The following WDR70 variants were observed in gnomAD, a reference collection of about 807,000 sequenced individuals.
The protein encoded by WDR70 is WD repeat-containing protein 70.
In WDR70, 53 loss-of-function variants were observed where a neutral mutation model predicts 88.6. That is an observed-to-expected ratio of 0.60 (90% CI 0.48 to 0.75). The LOEUF (loss-of-function observed/expected upper bound fraction) is 0.75, where lower values mean the gene tolerates loss of function less well. WDR70 is among the 30% of genes least tolerant of loss of function. The probability of loss-of-function intolerance (pLI) is 0.00; values close to 1 mark genes in which losing one functional copy is unlikely to be tolerated. For missense variants in WDR70, 610 were observed against 823.2 expected, an observed-to-expected ratio of 0.74 and a Z score of 3.17; for synonymous variants, 280 against 270.0, an observed-to-expected ratio of 1.04 and a Z score of -0.36.
intron 8 of WDR70, among the ~76,000 whole-genome samples, chr5:37,500,255 A>G (rs1238301630): frequency 6.6e-6 from 1 of 152,210 alleles, no homozygotes; most frequent in Non-Finnish European, 1.5e-5. Flanking sequence ...AAGTTGATGC[A>G]AAAGACATTA....
intron 3 of WDR70, among the ~76,000 whole-genome samples, chr5:37,389,178 C>T (rs371397194): frequency 1.2e-4 from 18 of 150,388 alleles, no homozygotes; most frequent in Admixed American, 1.0e-3. Context: ...CTGCAACCTC[C>T]GCCTTCCGGG....
chr5:37,452,245 G>A (rs1236516189), intron 7 of WDR70, among the ~76,000 whole-genome samples: 3 of 150,900 alleles, frequency 2.0e-5, no homozygotes, highest in Non-Finnish European at 4.4e-5. Context: ...GCCATTAGAA[G>A]CCTTTCTTTA....
chr5:37,679,875 G>C (rs1182561036), intron 10 of WDR70, among the ~76,000 whole-genome samples: 1 of 152,262 alleles, frequency 6.6e-6, no homozygotes, highest in Non-Finnish European at 1.5e-5. Flanking sequence ...CTTGAGCTGT[G>C]GTGGGCTCCA....
In WDR70 at chr5:37,751,992, T is replaced by A. The variant is rs187571725; in HGVS notation, c.1878-494T>A. Among the ~76,000 whole-genome samples, 10 of 152,314 alleles carry A rather than the reference T, an allele frequency of 6.6e-5. No individual in the cohort carries two copies. In the East Asian group the frequency reaches 1.9e-3, roughly 29 times the overall value. On this transcript the variant is annotated intron_variant, in intron 17 of 17. Transcript: ENST00000265107. ...TGGTTTTTATTTTTGCAGGCTCAAATTCATTAGATAAGAAAACAAACTCAT... is the reference window on the plus strand; with the variant it reads ...TGGTTTTTATTTTTGCAGGCTCAAAATCATTAGATAAGAAAACAAACTCAT...
intron 9 of WDR70, among the ~76,000 whole-genome samples, chr5:37,528,428 A>G (rs985375698): frequency 1.3e-5 from 2 of 152,128 alleles, no homozygotes; most frequent in Non-Finnish European, 1.5e-5. Context: ...CAACTGAACA[A>G]TGAGAACCCT....
intron 8 of WDR70, among the ~76,000 whole-genome samples, chr5:37,485,672 AT>A (rs1256543483): frequency 6.6e-6 from 1 of 151,800 alleles, no homozygotes; most frequent in Non-Finnish European, 1.5e-5. Context: ...TATATTATTT[AT>A]TTATTCATTC....
chr5:37,644,455 G>A (rs1208134032), intron 10 of WDR70, among the ~76,000 whole-genome samples: 3 of 151,890 alleles, frequency 2.0e-5, no homozygotes, highest in Non-Finnish European at 2.9e-5. Context: ...CTTTTCATGT[G>A]TCTTTGTTTA....
At chr5:37,740,299 G>A (rs1561099966) in intron 17 of WDR70, among the ~76,000 whole-genome samples, 2 of 152,272 alleles carry the variant, frequency 1.3e-5, no homozygotes, top group South Asian at 2.1e-4. Context: ...TTTCTCATAT[G>A]TGGATTTCTA....
chr5:37,644,873 AT>A (rs1367386858), intron 10 of WDR70, among the ~76,000 whole-genome samples: 2 of 150,450 alleles, frequency 1.3e-5, no homozygotes, highest in Non-Finnish European at 3.0e-5. Flanking sequence ...TTTTTTGTTA[AT>A]TTTTTTGTTA....
intron 7 of WDR70, among the ~76,000 whole-genome samples, chr5:37,463,957 G>A (rs1301041427): frequency 6.6e-6 from 1 of 152,196 alleles, no homozygotes; most frequent in Non-Finnish European, 1.5e-5. Flanking sequence ...TGTTAAAAGT[G>A]TTCCTATATA....
intron 10 of WDR70, among the ~76,000 whole-genome samples, chr5:37,633,155 C>T (rs2112527856): frequency 6.6e-6 from 1 of 152,272 alleles, no homozygotes; most frequent in South Asian, 2.1e-4. Flanking sequence ...ATCTAACGAA[C>T]ACATTTCTCA....
chr5:37,752,606 G>A lies in WDR70; in HGVS notation c.*33G>A. 6.7e-7 allele frequency: 1 copy of A among 1,502,836 alleles called. No homozygotes were observed. The highest frequency in any genetic ancestry group is 9.2e-7 in the Non-Finnish European group (1 of 1,085,942). The allele number at this position is 1,502,836 out of a possible 1,614,324, so 93.1% of individuals were successfully genotyped here. On this transcript the variant is annotated 3_prime_UTR_variant, in exon 18 of 18. Transcript: ENST00000265107. ...CATTTGAGAGCTGTTTGCATGAGTG[G>A]GAGGGGTATGGGACAGGTTTGGGTT...
intron 5 of WDR70, among the ~76,000 whole-genome samples, chr5:37,423,922 G>C (rs1750033419): frequency 6.7e-6 from 1 of 148,204 alleles, no homozygotes; most frequent in South Asian, 2.1e-4. Context: ...GCCGAGGCGG[G>C]CAGATCACCT....
At chr5:37,444,261 G>T (rs189176859) in intron 7 of WDR70, among the ~76,000 whole-genome samples, 41 of 150,698 alleles carry the variant, frequency 2.7e-4, no homozygotes, top group Admixed American at 2.7e-3. Context: ...AATCTATTTT[G>T]TACTGTTTAG....
chr5:37,712,576 A>G (rs11742830), intron 13 of WDR70, among the ~76,000 whole-genome samples: 3,827 of 152,252 alleles, frequency 0.025, 88 homozygotes, highest in Admixed American at 0.061. Context: ...TTTGAATTTG[A>G]CACTTTATTT....
At chr5:37,531,347 G>A (rs545391168) in intron 9 of WDR70, among the ~76,000 whole-genome samples, 1 of 152,142 alleles carries the variant, frequency 6.6e-6, no homozygotes, top group Admixed American at 6.5e-5. Context: ...TTGCCTTTCT[G>A]CCTTGATGAC....
chr5:37,389,003 A>G (rs576029213), intron 3 of WDR70, among the ~76,000 whole-genome samples: 13 of 152,090 alleles, frequency 8.5e-5, no homozygotes, highest in Non-Finnish European at 1.9e-4. Flanking sequence ...ATGAGCCTAG[A>G]GTACAAATGC....
chr5:37,619,287 A>C (rs905015166), intron 10 of WDR70, among the ~76,000 whole-genome samples: 1 of 152,102 alleles, frequency 6.6e-6, no homozygotes, highest in African/African-American at 2.4e-5. Flanking sequence ...AAAAAAAAAA[A>C]AAAACTTTTG....
chr5:37,586,871 TACA>T (rs753784111), intron 9 of WDR70, among the ~76,000 whole-genome samples: 72 of 152,284 alleles, frequency 4.7e-4, no homozygotes, highest in Middle Eastern at 3.4e-3. Flanking sequence ...CCAGACCCTA[TACA>T]ACAAGATTCT....
Sources: gnomAD v4.1 joint callset for allele counts (sites outside exome capture counted in the v4.1 genomes callset) on GRCh38, gnomAD v4.1.1 for gene constraint, MANE v1.5 for transcripts, NCBI Gene and HGNC (gene_info 2026-07-23, HGNC 2026-07-21) for gene names.